Variants in PATL1 observed in about 807,000 individuals in gnomAD.
PATL1 encodes PAT1 homolog 1, processing body mRNA decay factor, also known as protein PAT1 homolog 1.
In PATL1, 32 loss-of-function variants were observed where a neutral mutation model predicts 100.6. The ratio of observed to expected loss-of-function variants is 0.32; its 90% CI spans 0.24 to 0.43. The LOEUF (loss-of-function observed/expected upper bound fraction) is 0.43, where lower values mean the gene tolerates loss of function less well. Among genes scored for constraint, PATL1 ranks in the 20% least tolerant of loss-of-function variants. The pLI is 1.00. For synonymous variants in PATL1, 332 were observed against 330.0 expected (o/e 1.01, Z -0.07); for missense variants, 747 against 949.9 (o/e 0.79, Z 2.81).
intron 16 of PATL1, among the ~76,000 whole-genome samples, chr11:59,641,203 C>T (rs188972196): frequency 1.3e-5 from 2 of 151,980 alleles, no homozygotes; most frequent in Admixed American, 1.3e-4. Flanking sequence ...CATGGTGGCA[C>T]ATGCTACTCA....
rs1232226947 is a variant in PATL1 at position 59,656,527 on chromosome 11, A to G, written c.695T>C (p.Met232Thr). Residue 232 changes from methionine to threonine, a missense_variant, in exon 6 of 19, where the codon ATG becomes ACG. By Grantham distance (81) the Met-to-Thr change is moderately conservative (BLOSUM62 -1). This residue lies in a region of PATL1 where 127 missense variants were observed against 116.0 expected (regional missense o/e 1.09). Coordinates refer to ENST00000300146, the MANE Select transcript of PATL1 (RefSeq NM_152716.3). ...GACACTGCAGAGCTGGTTTGGAGAC[A>G]TCCTCTCACCATAGGGAGCAGGATA... ...PRYPAPYGERMSPNQLCSVPN... is the reference protein window; with the variant it reads ...PRYPAPYGERTSPNQLCSVPN... The G allele has an allele frequency of 1.2e-6, 2 of 1,613,920 alleles. No individual in the cohort carries two copies. Among genetic ancestry groups the G allele is most frequent in the African/African-American group, 1.3e-5 (1 of 74,934 alleles).
chr11:59,642,818 T>A (rs1861305922), intron 16 of PATL1, 62 bp downstream of exon 16: 1 of 1,504,640 alleles, frequency 6.6e-7, no homozygotes, highest in Non-Finnish European at 9.0e-7. Flanking sequence ...AGCCATTATT[T>A]TAATCTATAA....
At chr11:59,645,746 T>A (rs556744992) in intron 15 of PATL1, among the ~76,000 whole-genome samples, 4 of 152,192 alleles carry the variant, frequency 2.6e-5, no homozygotes, top group African/African-American at 9.7e-5. Flanking sequence ...TGAAAATTAT[T>A]CCACTTTTGG....
chr11:59,663,731 A>G (rs2134761652), intron 2 of PATL1, among the ~76,000 whole-genome samples: 1 of 152,268 alleles, frequency 6.6e-6, no homozygotes, highest in South Asian at 2.1e-4. Flanking sequence ...GCAGAAGACT[A>G]GTTTCTTAAG....
At position 59,639,393 on chromosome 11, in the gene PATL1, A is replaced by C; in HGVS notation, c.2050-10T>G. ...GCAGTGACAGGCCAAACTACGAGAAAAGACAGAGGGAATCAAACTCAACAC... is the reference window on the plus strand; with the variant it reads ...GCAGTGACAGGCCAAACTACGAGAACAGACAGAGGGAATCAAACTCAACAC... On this transcript the variant is annotated splice_polypyrimidine_tract_variant and intron_variant, in intron 16 of 18. Coordinates refer to ENST00000300146, the MANE Select transcript of PATL1 (RefSeq NM_152716.3). 6.5e-7 allele frequency: 1 copy of C among 1,547,532 alleles called. No individual in the cohort carries two copies. Among genetic ancestry groups the C allele is most frequent in the Admixed American group, 2.0e-5 (1 of 51,000 alleles).
At chr11:59,644,908 T>TTTTA (rs1861339259) in intron 15 of PATL1, among the ~76,000 whole-genome samples, 1 of 142,082 alleles carries the variant, frequency 7.0e-6, no homozygotes, top group Non-Finnish European at 1.5e-5. Context: ...TTTTTTTTTT[T>TTTTA]TAAAAAAAAA....
In PATL1 at chr11:59,638,364, A is replaced by T. The variant is rs116909879; in HGVS notation, c.*26T>A. 1.5e-3 allele frequency: 2,347 copies of T among 1,609,142 alleles called. 48 individuals carry two copies. In the East Asian group the frequency reaches 0.04, roughly 28 times the overall value. On this transcript the variant is annotated 3_prime_UTR_variant, in exon 19 of 19. Coordinates refer to ENST00000300146, the MANE Select transcript of PATL1 (RefSeq NM_152716.3). ...AGCAGTGCAGGTGGCAGCCAAAAGGAGGTACAGGACACATTTGGAGATCTT... is the reference window on the plus strand; with the variant it reads ...AGCAGTGCAGGTGGCAGCCAAAAGGTGGTACAGGACACATTTGGAGATCTT...
At chr11:59,658,837 A>G (rs1458113117) in intron 4 of PATL1, 29 bp downstream of exon 4, 1 of 1,524,578 alleles carries the variant, frequency 6.6e-7, no homozygotes, top group African/African-American at 1.4e-5. Context: ...GATATTATAA[A>G]TTTTATGTAA....
intron 14 of PATL1, 40 bp downstream of exon 14, chr11:59,649,422 G>A: frequency 6.2e-7 from 1 of 1,602,936 alleles, no homozygotes; most frequent in Non-Finnish European, 8.5e-7. Context: ...ACAGAGGAAG[G>A]AGTCCAGTTA....
At chr11:59,653,120 TTCCCGTTTGC>T in intron 9 of PATL1, 102 bp from the exon 10 acceptor site, 10 of 982,854 alleles carry the variant, frequency 1.0e-5, no homozygotes, top group Non-Finnish European at 1.5e-5. Context: ...TTTTTAAAGA[TTCCCGTTTGC>T]TTTTCTTAAA....
At chr11:59,653,096 A>ATTTTT in intron 9 of PATL1, 78 bp from the exon 10 acceptor site, 2 of 1,129,200 alleles carry the variant, frequency 1.8e-6, no homozygotes, top group Non-Finnish European at 2.4e-6. Flanking sequence ...AAACCAGGCC[A>ATTTTT]GTTTTTTTTT....
At chr11:59,643,095 C>T in intron 15 of PATL1, 60 bp from the exon 16 acceptor site, 3 of 1,550,582 alleles carry the variant, frequency 1.9e-6, no homozygotes, top group South Asian at 2.4e-5. Context: ...TACCCCCCAC[C>T]AGGGGCATGG....
rs780485079 is a variant in PATL1, at chr11:59,654,017, G to A, written c.1087C>T (p.Arg363Ter). ...TGTTGCTGTCTCTGATGCAAGAGTCGACGGTGCTGTGGATGGAGGTGAGTT... is the reference window on the plus strand; with the variant it reads ...TGTTGCTGTCTCTGATGCAAGAGTCAACGGTGCTGTGGATGGAGGTGAGTT... ...DTTHLHPQHR[R>*]LLHQRQQQNR... Residue 363 changes from arginine (R) to a stop codon, truncating the protein, a stop_gained, in exon 9 of 19, where the codon CGA becomes TGA. Transcript: ENST00000300146. LOFTEE classifies it high-confidence loss of function. 5 of 1,613,744 alleles carry A rather than the reference G, an allele frequency of 3.1e-6. No homozygotes were observed. The highest frequency in any genetic ancestry group is 8.5e-7 in the Non-Finnish European group (1 of 1,179,712).
At chr11:59,644,110 ATTT>A (rs1397035370) in intron 15 of PATL1, among the ~76,000 whole-genome samples, 2 of 152,202 alleles carry the variant, frequency 1.3e-5, no homozygotes, top group African/African-American at 4.8e-5. Context: ...TATTATGGTC[ATTT>A]TAGAACATAC....
intron 15 of PATL1, among the ~76,000 whole-genome samples, chr11:59,646,285 T>C (rs1590695954): frequency 6.6e-6 from 1 of 151,738 alleles, no homozygotes. Flanking sequence ...GGAATTTTTT[T>C]TTTTTTTTTT....
At chr11:59,639,006 C>T in intron 18 of PATL1, 42 bp downstream of exon 18, 1 of 1,594,908 alleles carries the variant, frequency 6.3e-7, no homozygotes, top group Non-Finnish European at 8.6e-7. Context: ...TTCTAAAGTC[C>T]CAACTTTAGT....
intron 1 of PATL1, 56 bp downstream of exon 1, chr11:59,668,825 T>TGAGGGAGAGGGGCGCGG (rs1861734106): frequency 1.1e-5 from 11 of 994,644 alleles, no homozygotes; most frequent in Non-Finnish European, 1.6e-5. Context: ...GGAGAGAGAG[T>TGAGGGAGAGGGGCGCGG]GAGGGAGAGG....
intron 16 of PATL1, 57 bp from the exon 17 acceptor site, chr11:59,639,440 A>T (rs956127281): frequency 5.4e-6 from 7 of 1,306,430 alleles, no homozygotes; most frequent in Non-Finnish European, 7.5e-6. Context: ...CTCCTCCACC[A>T]CTGTTGAAGG....
At chr11:59,638,442 G>A (rs752875958) in intron 18 of PATL1, 31 bp from the exon 19 acceptor site, 3 of 1,584,464 alleles carry the variant, frequency 1.9e-6, no homozygotes, top group South Asian at 2.2e-5. Context: ...AAGGAAAATT[G>A]TATAAATGAG....
Sources: allele counts gnomAD v4.1 joint callset (sites outside exome capture counted in the v4.1 genomes callset), GRCh38; gene constraint gnomAD v4.1.1; regional missense constraint gnomAD v4.1.1; transcripts MANE v1.5; gene names NCBI Gene and HGNC (gene_info 2026-07-23, HGNC 2026-07-21).